Variants in HECW1 observed in about 807,000 individuals in gnomAD.
The protein encoded by HECW1 is E3 ubiquitin-protein ligase HECW1.
Under a neutral mutation model 182.3 loss-of-function variants are expected in HECW1, and 61 were observed. That is an observed-to-expected ratio of 0.33 (90% CI 0.27 to 0.41). The LOEUF is 0.41. Ranked by LOEUF, HECW1 falls within the 10% of genes least tolerant of loss-of-function variation. The pLI, the probability that HECW1 is intolerant of heterozygous loss-of-function variation, is 1.00. For missense variants in HECW1, 1,739 were observed against 2,108.9 expected, an observed-to-expected ratio of 0.82 and a Z score of 3.44; for synonymous variants, 859 against 832.6, an observed-to-expected ratio of 1.03 and a Z score of -0.55.
At chr7:43,469,645 C>T (rs1034364079) in intron 16 of HECW1, among the ~76,000 whole-genome samples, 2 of 152,182 alleles carry the variant, frequency 1.3e-5, no homozygotes, top group Admixed American at 6.5e-5. Flanking sequence ...TTCTGTATAA[C>T]CTTAACCCAA....
chr7:43,355,173 G>C (rs552324237), intron 5 of HECW1, among the ~76,000 whole-genome samples: 1 of 152,062 alleles, frequency 6.6e-6, no homozygotes, highest in Admixed American at 6.5e-5. Flanking sequence ...AAATGCTTAA[G>C]AGAGTTATTT....
intron 14 of HECW1, among the ~76,000 whole-genome samples, chr7:43,465,834 C>T (rs942473394): frequency 2.6e-5 from 4 of 151,888 alleles, no homozygotes; most frequent in African/African-American, 7.3e-5. Flanking sequence ...TTAAAGGCTG[C>T]GGTGAGCTGC....
At chr7:43,119,403 T>C (rs1785363274) in intron 2 of HECW1, among the ~76,000 whole-genome samples, 1 of 152,234 alleles carries the variant, frequency 6.6e-6, no homozygotes, top group Non-Finnish European at 1.5e-5. Context: ...GGCTCTTCTC[T>C]CTCAGGCTCT....
intron 3 of HECW1, among the ~76,000 whole-genome samples, chr7:43,295,541 G>T (rs968278550): frequency 6.6e-6 from 1 of 152,160 alleles, no homozygotes; most frequent in Non-Finnish European, 1.5e-5. Flanking sequence ...CCCCAGGGGG[G>T]CCTGGATCAG....
intron 6 of HECW1, among the ~76,000 whole-genome samples, chr7:43,382,201 G>A (rs2074582200): frequency 6.6e-6 from 1 of 151,994 alleles, no homozygotes; most frequent in Non-Finnish European, 1.5e-5. Flanking sequence ...CAGGAGAATG[G>A]CGTGAACCCA....
At position 43,502,843 on chromosome 7, in the gene HECW1, G is replaced by A. The variant is rs377699263; in HGVS notation, c.3631+1521G>A. On this transcript the variant is annotated intron_variant, in intron 21 of 29. Transcript: ENST00000395891. Reference sequence around the variant, plus strand: ...AAAGAGATCAGTTTGAAACATGTAGGAACATCCTATCTCAGAAGCTCTAGG... The same window carrying A: ...AAAGAGATCAGTTTGAAACATGTAGAAACATCCTATCTCAGAAGCTCTAGG... Among the ~76,000 whole-genome samples, 4 of 152,214 alleles carry A rather than the reference G, an allele frequency of 2.6e-5. No homozygotes were observed. In the East Asian group the frequency reaches 7.7e-4, roughly 29 times the overall value.
intron 2 of HECW1, among the ~76,000 whole-genome samples, chr7:43,186,668 C>CAA (rs112678392): frequency 1.4e-4 from 13 of 93,428 alleles, no homozygotes; most frequent in Admixed American, 2.1e-4. Flanking sequence ...GACTCCGTCT[C>CAA]AAAAAAAAAA....
intron 5 of HECW1, among the ~76,000 whole-genome samples, chr7:43,333,438 G>A (rs1811744588): frequency 1.3e-5 from 2 of 152,134 alleles, no homozygotes; most frequent in African/African-American, 4.8e-5. Flanking sequence ...ATGTATGGAT[G>A]GATTCCATTT....
intron 2 of HECW1, among the ~76,000 whole-genome samples, chr7:43,183,441 T>A (rs918163041): frequency 1.3e-5 from 2 of 152,214 alleles, no homozygotes; most frequent in Non-Finnish European, 2.9e-5. Flanking sequence ...AAGTAATTTA[T>A]CTACTATAGT....
At chr7:43,535,980 TATATC>T (rs2081165157) in intron 24 of HECW1, among the ~76,000 whole-genome samples, 1 of 152,178 alleles carries the variant, frequency 6.6e-6, no homozygotes, top group African/African-American at 2.4e-5. Context: ...GAAAATAACT[TATATC>T]AGAGTCCAGG....
intron 5 of HECW1, among the ~76,000 whole-genome samples, chr7:43,327,986 T>TATC (rs1811012053): frequency 6.7e-6 from 1 of 149,134 alleles, no homozygotes; most frequent in Non-Finnish European, 1.5e-5. Context: ...TTATTATTAT[T>TATC]ATTATCATTA....
intron 5 of HECW1, among the ~76,000 whole-genome samples, chr7:43,346,167 A>AT (rs1235590328): frequency 6.6e-6 from 1 of 151,384 alleles, no homozygotes; most frequent in Non-Finnish European, 1.5e-5. Context: ...CTGTTTTTTT[A>AT]TTTTTTTTAT....
chr7:43,307,986 CATATAAT>C (rs1169532465), intron 3 of HECW1, among the ~76,000 whole-genome samples: 76 of 115,834 alleles, frequency 6.6e-4, no homozygotes, highest in African/African-American at 2.2e-3. Context: ...TATTATAGAA[CATATAAT>C]ATATAATATA....
At chr7:43,215,107 A>G (rs12540272) in intron 2 of HECW1, among the ~76,000 whole-genome samples, 28,754 of 152,238 alleles carry the variant, frequency 0.19, 2,863 homozygotes, top group Middle Eastern at 0.34. Context: ...TTGAATTTTC[A>G]GGTTCTTGAT....
Position 43,157,429 on chromosome 7 carries a change from T to A in HECW1, c.-32+43038T>A, listed in dbSNP as rs1343078506. Among the ~76,000 whole-genome samples, 4 of 152,332 alleles carry A rather than the reference T, an allele frequency of 2.6e-5. No individual in the cohort carries two copies. The East Asian group carries it at 7.7e-4, about 29-fold the overall frequency. ...TCTGAGTAGACTATTAAAATAATAA[T>A]TTTGACTGTAATATTCAGATACTTA... On this transcript the variant is annotated intron_variant, in intron 2 of 29. Coordinates refer to ENST00000395891, the MANE Select transcript of HECW1 (RefSeq NM_015052.5).
chr7:43,325,097 A>G (rs1810599013), intron 5 of HECW1, among the ~76,000 whole-genome samples: 3 of 152,246 alleles, frequency 2.0e-5, no homozygotes, highest in African/African-American at 4.8e-5. Flanking sequence ...ACCTGATAAA[A>G]ATACTAAAGA....
At chr7:43,167,296 A>G (rs1485626252) in intron 2 of HECW1, among the ~76,000 whole-genome samples, 2 of 151,806 alleles carry the variant, frequency 1.3e-5, no homozygotes, top group East Asian at 1.9e-4. Flanking sequence ...TCCTTCCCCT[A>G]TGTCTCTGTG....
In HECW1 at chr7:43,323,718, G is replaced by A. The variant is rs1810422413; in HGVS notation, c.460+2976G>A. On this transcript the variant is annotated intron_variant, in intron 5 of 29. Coordinates refer to ENST00000395891, the MANE Select transcript of HECW1 (RefSeq NM_015052.5). ...AAGCATATTCAAACTTGGTCAAGCA[G>A]CAGCATCCTATAAAAAACAAATGGC... Among the ~76,000 whole-genome samples, 3 of 152,068 alleles carry A rather than the reference G, an allele frequency of 2.0e-5. No individual in the cohort carries two copies. The South Asian group carries it at 6.2e-4, about 32-fold the overall frequency.
At chr7:43,278,736 G>A (rs182056578) in intron 3 of HECW1, among the ~76,000 whole-genome samples, 15 of 152,062 alleles carry the variant, frequency 9.9e-5, no homozygotes, top group Admixed American at 7.9e-4. Flanking sequence ...TTTTTCCCTT[G>A]AGGTCTAAGT....
Sources: allele counts gnomAD v4.1 joint callset (sites outside exome capture counted in the v4.1 genomes callset), GRCh38; gene constraint gnomAD v4.1.1; transcripts MANE v1.5; gene names NCBI Gene and HGNC (gene_info 2026-07-23, HGNC 2026-07-21).